Variants in METTL2B observed in about 807,000 individuals in gnomAD.
The protein encoded by METTL2B is tRNA N(3)-cytidine methyltransferase METTL2B.
A neutral mutation model predicts 51.0 loss-of-function variants in METTL2B; 28 were observed. That is an observed-to-expected ratio of 0.55 (90% CI 0.41 to 0.75). The LOEUF is 0.75. METTL2B is among the 30% of genes least tolerant of loss of function. The pLI, the probability that METTL2B is intolerant of heterozygous loss-of-function variation, is 0.00. For synonymous variants in METTL2B, 128 were observed against 166.3 expected (o/e 0.77, Z 1.77); for missense variants, 313 against 460.7 (o/e 0.68, Z 2.93).
rs773092225 is a variant in METTL2B at position 128,476,807 on chromosome 7, C to T, written c.42C>T (p.Ala14=). 12 of 1,614,062 alleles carry T rather than the reference C, an allele frequency of 7.4e-6. No individual in the cohort carries two copies. The highest frequency in any genetic ancestry group is 6.7e-5 in the Admixed American group (4 of 60,002). ...CTGAAGGTGCACCTGCAATCCTCGCCGATAAGAGGCAGCAGTTCGGAAGCC... is the reference window on the plus strand; with the variant it reads ...CTGAAGGTGCACCTGCAATCCTCGCTGATAAGAGGCAGCAGTTCGGAAGCC... ...SYPEGAPAIL[A]DKRQQFGSRF... is the part of the protein sequence containing the mutation. Residue 14 remains alanine, a synonymous_variant, in exon 1 of 9, where the codon GCC becomes GCT. Transcript: ENST00000262432.
chr7:128,497,986 C>G (rs748332468), intron 6 of METTL2B, 50 bp from the exon 7 acceptor site: 57 of 1,591,844 alleles, frequency 3.6e-5, no homozygotes, highest in Non-Finnish European at 4.9e-5. Context: ...GGAAAGAGAA[C>G]CCTGTCTTTA....
At chr7:128,480,524 T>A in intron 3 of METTL2B, 123 bp from the exon 4 acceptor site, 2 of 1,446,812 alleles carry the variant, frequency 1.4e-6, no homozygotes, top group Non-Finnish European at 1.9e-6. Context: ...TTAGCTCTGG[T>A]CACTACACCT....
At chr7:128,489,715 G>A (rs1380755031) in intron 5 of METTL2B, among the ~76,000 whole-genome samples, 7 of 139,066 alleles carry the variant, frequency 5.0e-5, no homozygotes. Context: ...TGCAAGCTCC[G>A]CCTCCCGGGT....
intron 4 of METTL2B, 123 bp from the exon 5 acceptor site, chr7:128,487,978 A>G: frequency 8.6e-7 from 1 of 1,162,998 alleles, no homozygotes; most frequent in Non-Finnish European, 1.2e-6. Context: ...TGACTAATAG[A>G]TACAGTTTAT....
In METTL2B at chr7:128,498,052, AAC is replaced by A; in HGVS notation, c.828_829del (p.Asn276LysfsTer21). The A allele has an allele frequency of 6.2e-7, 1 of 1,613,766 alleles. No homozygotes were observed. The highest frequency in any genetic ancestry group is 1.1e-5 in the South Asian group (1 of 91,080). ...TCTCCACAGGATGCAGAAGGCTATC[AAC>A]AGGCTGAGCAGGCTTCTGAAACCTG... ...VVPDKMQKAINRLSRLLKPGG... is the reference protein window; with the variant it reads ...VVPDKMQKAIXRLSRLLKPGG... On this transcript the variant is annotated frameshift_variant, in exon 7 of 9. Transcript: ENST00000262432. LOFTEE classifies it high-confidence loss of function.
chr7:128,489,101 GA>G (rs1329625011), intron 5 of METTL2B, among the ~76,000 whole-genome samples: 1 of 151,844 alleles, frequency 6.6e-6, no homozygotes, highest in Non-Finnish European at 1.5e-5. Context: ...ACGACAGAGC[GA>G]GACTCCATCT....
At chr7:128,491,154 CAAAAAA>C (rs56007742) in intron 5 of METTL2B, among the ~76,000 whole-genome samples, 3 of 103,434 alleles carry the variant, frequency 2.9e-5, no homozygotes, top group South Asian at 3.4e-4. Context: ...GACTCCATCT[CAAAAAA>C]AAAAAAAAAA....
chr7:128,477,919 A>C, intron 2 of METTL2B: 1 of 443,290 alleles, frequency 2.3e-6, no homozygotes, highest in Non-Finnish European at 4.6e-6. Flanking sequence ...GATTTTGAAA[A>C]TCATGTGGTT....
At position 128,493,905 on chromosome 7, in the gene METTL2B, C is replaced by T. The variant is rs772075052; in HGVS notation, c.771C>T (p.Ile257=). ...TGCCCAAGGGCAGTCTTGATATTAT[C>T]ATTCTCATATTTGTTCTTTCAGCAG... ...YPVPKGSLDI[I]ILIFVLSAVV... The change falls in exon 6 of 9, where the codon ATC becomes ATT. Residue 257 remains isoleucine (I), a synonymous_variant. Coordinates refer to ENST00000262432, the MANE Select transcript of METTL2B (RefSeq NM_018396.3). 4 of 1,609,694 alleles carry T rather than the reference C, an allele frequency of 2.5e-6. No homozygotes were observed. The highest frequency in any genetic ancestry group is 1.7e-4 in the Middle Eastern group (1 of 6,012).
chr7:128,484,505 T>C (rs922071558), intron 4 of METTL2B, among the ~76,000 whole-genome samples: 16 of 152,042 alleles, frequency 1.1e-4, no homozygotes, highest in African/African-American at 2.7e-4. Context: ...TAATGTATTT[T>C]TCATTTGTTT....
intron 7 of METTL2B, among the ~76,000 whole-genome samples, chr7:128,500,291 C>A (rs1450871735): frequency 6.6e-6 from 1 of 152,042 alleles, no homozygotes; most frequent in Non-Finnish European, 1.5e-5. Context: ...ATGGTTGTCT[C>A]AAGTTTCCTT....
intron 7 of METTL2B, 136 bp downstream of exon 7, chr7:128,498,278 T>G: frequency 2.1e-6 from 2 of 946,948 alleles, no homozygotes; most frequent in Non-Finnish European, 2.8e-6. Context: ...CACTCATAAG[T>G]GGGAGTTGAA....
At chr7:128,486,652 C>T (rs1168566697) in intron 4 of METTL2B, among the ~76,000 whole-genome samples, 2 of 151,922 alleles carry the variant, frequency 1.3e-5, no homozygotes, top group Non-Finnish European at 2.9e-5. Context: ...TTGCCAGGCG[C>T]GGTGGCTCAC....
In METTL2B at chr7:128,503,648, T is replaced by C. The variant is rs937537458; in HGVS notation, c.*1732T>C. On this transcript the variant is annotated 3_prime_UTR_variant, in exon 9 of 9. Transcript: ENST00000262432. ...TGTTCTGCATTTTTTCAATTATTTT[T>C]ACATATTTCTGTCTTGATCCATGCA... 1 of 152,170 alleles carries C rather than the reference T, an allele frequency of 6.6e-6. No homozygotes were observed. The highest frequency in any genetic ancestry group is 1.5e-5 in the Non-Finnish European group (1 of 68,038). The allele number at this position is 152,170 out of a possible 1,614,324, so 9.4% of individuals were successfully genotyped here. A position where few individuals can be genotyped will look rare whatever the true frequency, so the allele number is the denominator to read the frequency against.
rs1487851549 is a variant in METTL2B, at chr7:128,504,739, G to A, written c.*2823G>A. 3.3e-5 allele frequency: 5 copies of A among 151,024 alleles called. No individual in the cohort carries two copies. Among genetic ancestry groups the A allele is most frequent in the Admixed American group, 6.6e-5 (1 of 15,202 alleles). 9.4% of individuals were successfully genotyped at this position (151,024 alleles called of 1,614,324 possible). A position where few individuals can be genotyped will look rare whatever the true frequency, so the allele number is the denominator to read the frequency against. On this transcript the variant is annotated 3_prime_UTR_variant, in exon 9 of 9. Transcript: ENST00000262432. ...AATCCCAGCACTTTGGGAGGCCGAGGTGGGCGGATCATTTGAGGTCAGGAG... is the reference window on the plus strand; with the variant it reads ...AATCCCAGCACTTTGGGAGGCCGAGATGGGCGGATCATTTGAGGTCAGGAG...
chr7:128,485,490 C>T (rs1333888520), intron 4 of METTL2B, among the ~76,000 whole-genome samples: 6 of 151,974 alleles, frequency 3.9e-5, no homozygotes, highest in African/African-American at 1.5e-4. Context: ...AGTGAAACCC[C>T]GTCTCCACTC....
chr7:128,479,068 G>C, intron 2 of METTL2B, 90 bp from the exon 3 acceptor site: 1 of 1,330,086 alleles, frequency 7.5e-7, no homozygotes, highest in East Asian at 2.5e-5. Flanking sequence ...TAGTATTAAA[G>C]TGACATTTGG....
In METTL2B at chr7:128,503,612, CT is replaced by C. The variant is rs971000518; in HGVS notation, c.*1705del. The C allele has an allele frequency of 4.0e-5, 6 of 151,058 alleles. No individual in the cohort carries two copies. The highest frequency in any genetic ancestry group is 2.1e-4 in the South Asian group (1 of 4,768). The allele number at this position is 151,058 out of a possible 1,614,324, so 9.4% of individuals were successfully genotyped here. A position where few individuals can be genotyped will look rare whatever the true frequency, so the allele number is the denominator to read the frequency against. On this transcript the variant is annotated 3_prime_UTR_variant, in exon 9 of 9. Transcript: ENST00000262432. ...ATCATGCCTAGCTAATTGTTAGATC[CT>C]TTTTTTTTATGTTCTGCATTTTTTC...
rs1424815044 is a variant in METTL2B, at chr7:128,501,961, G to A, written c.*45G>A. The A allele has an allele frequency of 6.2e-7, 1 of 1,604,232 alleles. No homozygotes were observed. The highest frequency in any genetic ancestry group is 1.7e-5 in the Admixed American group (1 of 58,396). On this transcript the variant is annotated 3_prime_UTR_variant, in exon 9 of 9. Transcript: ENST00000262432. ...CGATGCAAGCCCGTTGTGTTTCCGAGCTTTTTTAAAAAAAAATTTGTAGCA... is the reference window on the plus strand; with the variant it reads ...CGATGCAAGCCCGTTGTGTTTCCGAACTTTTTTAAAAAAAAATTTGTAGCA...
Sources: allele counts gnomAD v4.1 joint callset (sites outside exome capture counted in the v4.1 genomes callset), GRCh38; gene constraint gnomAD v4.1.1; transcripts MANE v1.5; gene names NCBI Gene and HGNC (gene_info 2026-07-23, HGNC 2026-07-21).